The following NIT2 variants were observed in gnomAD, a reference collection of about 807,000 sequenced individuals.
NIT2 encodes the protein omega-amidase NIT2.
NIT2 carries 46 observed loss-of-function variants against 42.7 expected under a neutral mutation model. The ratio of observed to expected loss-of-function variants is 1.08; its 90% CI spans 0.85 to 1.38. The LOEUF (loss-of-function observed/expected upper bound fraction) is 1.38, where lower values mean the gene tolerates loss of function less well. Ranked by LOEUF, NIT2 falls within the 40% of genes most tolerant of loss-of-function variation. The pLI, the probability that NIT2 is intolerant of heterozygous loss-of-function variation, is 0.00. For missense variants in NIT2, 309 were observed against 342.5 expected (o/e 0.90, Z 0.77); for synonymous variants, 123 against 121.9 (o/e 1.01, Z -0.06).
intron 6 of NIT2, among the ~76,000 whole-genome samples, chr3:100,347,088 T>G (rs950126342): frequency 6.6e-6 from 1 of 152,002 alleles, no homozygotes; most frequent in Non-Finnish European, 1.5e-5. Context: ...TGTTTTTTTT[T>G]GTTTGTTTGT....
At position 100,336,884 on chromosome 3, in the gene NIT2, G is replaced by A. The variant is rs536977226; in HGVS notation, c.7+2086G>A. ...TCAGCACAGACCCTTTACGGGTGTCGGGCTGGGGGACGGTCAGGTCTTTCC... is the reference window on the plus strand; with the variant it reads ...TCAGCACAGACCCTTTACGGGTGTCAGGCTGGGGGACGGTCAGGTCTTTCC... On this transcript the variant is annotated intron_variant, in intron 1 of 9. Coordinates refer to ENST00000394140, the MANE Select transcript of NIT2 (RefSeq NM_020202.5). 7.9e-5 allele frequency among the ~76,000 whole-genome samples: 12 copies of A among 152,268 alleles called. No homozygotes were observed. In the South Asian group the frequency reaches 1.7e-3, roughly 21 times the overall value.
Position 100,341,071 on chromosome 3 carries a change from A to G in NIT2, c.248-2A>G, listed in dbSNP as rs763693486. ...ATGGTATGTTTCTTCTCTCAATGAA[A>G]GGCTCTATCCCTGAAGAGGATGCTG... On this transcript the variant is annotated splice_acceptor_variant, in intron 3 of 9. Coordinates refer to ENST00000394140, the MANE Select transcript of NIT2 (RefSeq NM_020202.5). LOFTEE classifies it high-confidence loss of function. 2 of 1,605,018 alleles carry G rather than the reference A, an allele frequency of 1.2e-6. No individual in the cohort carries two copies. Among genetic ancestry groups the G allele is most frequent in the Non-Finnish European group, 1.7e-6 (2 of 1,171,836 alleles).
rs929237369 is a variant in NIT2 at position 100,359,214 on chromosome 3, G to C, written c.*3946G>C. ...TTGTTCAATGATTTACTTCACAGCT[G>C]ATTCATAATCAAATGAACAAGAATC... On this transcript the variant is annotated 3_prime_UTR_variant, in exon 10 of 10. Coordinates refer to ENST00000394140, the MANE Select transcript of NIT2 (RefSeq NM_020202.5). 2 of 152,214 alleles carry C rather than the reference G, an allele frequency of 1.3e-5. No homozygotes were observed. The highest frequency in any genetic ancestry group is 4.8e-5 in the African/African-American group (2 of 41,440). The allele number at this position is 152,214 out of a possible 1,614,324, so 9.4% of individuals were successfully genotyped here.
At chr3:100,354,037 A>T (rs1217080497) in intron 8 of NIT2, among the ~76,000 whole-genome samples, 1 of 152,066 alleles carries the variant, frequency 6.6e-6, no homozygotes, top group East Asian at 1.9e-4. Flanking sequence ...TGGCCTCCCA[A>T]AGTGCTGGGG....
In NIT2 at chr3:100,357,643, T is replaced by C. The variant is rs919529815; in HGVS notation, c.*2375T>C. ...TGCTAAACTTTTTACATTTCTTTTT[T>C]TTTTTTTTTTTTTTTTGAGACAGAG... On this transcript the variant is annotated 3_prime_UTR_variant, in exon 10 of 10. Transcript: ENST00000394140. 3.5e-5 allele frequency: 5 copies of C among 143,584 alleles called. No individual in the cohort carries two copies. Among genetic ancestry groups the C allele is most frequent in the South Asian group, 2.2e-4 (1 of 4,588 alleles). The allele number at this position is 143,584 out of a possible 1,614,324, so 8.9% of individuals were successfully genotyped here.
intron 1 of NIT2, among the ~76,000 whole-genome samples, chr3:100,336,719 T>TC (rs1445553308): frequency 2.0e-5 from 3 of 152,224 alleles, no homozygotes; most frequent in Non-Finnish European, 2.9e-5. Context: ...AAGGCGGTTT[T>TC]CCCTATCTTA....
At chr3:100,354,962 G>C in intron 9 of NIT2, 135 bp downstream of exon 9, 2 of 850,782 alleles carry the variant, frequency 2.4e-6, no homozygotes, top group Non-Finnish European at 3.7e-6. Context: ...GGATATTCTA[G>C]GGTCTGGTTC....
chr3:100,348,350 C>CTTA (rs1706238887), intron 6 of NIT2, among the ~76,000 whole-genome samples: 1 of 152,186 alleles, frequency 6.6e-6, no homozygotes, highest in African/African-American at 2.4e-5. Context: ...TGTTAATGAG[C>CTTA]TTATAATGAG....
chr3:100,346,637 T>C (rs1416813214), intron 6 of NIT2, among the ~76,000 whole-genome samples: 1 of 152,154 alleles, frequency 6.6e-6, no homozygotes, highest in Non-Finnish European at 1.5e-5. Flanking sequence ...CGAGGAGAAA[T>C]GTGCCAGTAT....
At chr3:100,354,924 CT>C in intron 9 of NIT2, 97 bp downstream of exon 9, 1 of 990,870 alleles carries the variant, frequency 1.0e-6, no homozygotes, top group Non-Finnish European at 1.6e-6. Context: ...GGAGGGGTTC[CT>C]TTATGCCCCT....
At chr3:100,349,084 A>T in intron 7 of NIT2, 22 of 386,740 alleles carry the variant, frequency 5.7e-5, no homozygotes, top group South Asian at 4.1e-4. Context: ...CACAATACCA[A>T]CCTCATGGAT....
intron 1 of NIT2, 81 bp downstream of exon 1, chr3:100,334,879 G>T: frequency 1.7e-6 from 2 of 1,200,990 alleles, no homozygotes; most frequent in Non-Finnish European, 1.0e-6. Context: ...TGGCTCGGCC[G>T]GCTCAGCCCC....
rs1000733108 is a variant in NIT2, at chr3:100,360,956, C to T, written c.*5688C>T. On this transcript the variant is annotated 3_prime_UTR_variant, in exon 10 of 10. Coordinates refer to ENST00000394140, the MANE Select transcript of NIT2 (RefSeq NM_020202.5). The stretch of plus-strand genomic sequence containing the variant: ...ACCTCATTAGATTTGGGCTGTGACG[C>T]AAACCCACTGCATGTGCAGTATCCA... 3 of 152,310 alleles carry T rather than the reference C, an allele frequency of 2.0e-5. No homozygotes were observed. Among genetic ancestry groups the T allele is most frequent in the Non-Finnish European group, 2.9e-5 (2 of 68,068 alleles). 9.4% of individuals were successfully genotyped at this position (152,310 alleles called of 1,614,324 possible).
Position 100,352,502 on chromosome 3 carries a change from G to A in NIT2, c.683G>A (p.Trp228Ter), listed in dbSNP as rs1345945899. The change falls in exon 8 of 10, where the codon TGG becomes TAG. Residue 228 changes from tryptophan (W) to a stop codon, truncating the protein, a stop_gained and splice_region_variant. Transcript: ENST00000394140. LOFTEE classifies it high-confidence loss of function. ...AWGHSTVVNP[W>*]GEVLAKAGTE... is the part of the protein sequence containing the mutation. ...GGACACAGCACCGTGGTGAACCCTT[G>A]GTGAGTAAGGCTAAGTGAGAATAGG... The A allele has an allele frequency of 1.9e-6, 3 of 1,611,260 alleles. No homozygotes were observed. The highest frequency in any genetic ancestry group is 1.1e-5 in the South Asian group (1 of 91,010).
intron 4 of NIT2, among the ~76,000 whole-genome samples, chr3:100,343,979 T>A (rs1706183386): frequency 6.6e-6 from 1 of 152,210 alleles, no homozygotes; most frequent in African/African-American, 2.4e-5. Flanking sequence ...ACCAAACTCT[T>A]ATCTTCTTTG....
intron 8 of NIT2, 51 bp from the exon 9 acceptor site, chr3:100,354,721 A>G (rs1276817295): frequency 1.4e-6 from 2 of 1,462,406 alleles, no homozygotes; most frequent in Non-Finnish European, 9.4e-7. Flanking sequence ...GAGACCTTGA[A>G]TATCACCAAA....
chr3:100,345,836 T>A (rs1448148289), intron 5 of NIT2, 158 bp downstream of exon 5: 3 of 628,118 alleles, frequency 4.8e-6, no homozygotes, highest in Non-Finnish European at 8.4e-6. Flanking sequence ...AGTTCGGGCT[T>A]ATTTGAGAAC....
At chr3:100,348,747 C>A in intron 6 of NIT2, 56 bp from the exon 7 acceptor site, 1 of 1,378,168 alleles carries the variant, frequency 7.3e-7, no homozygotes, top group Non-Finnish European at 1.0e-6. Flanking sequence ...GTGGGGAGGA[C>A]TGGTTTTGTT....
intron 1 of NIT2, 145 bp downstream of exon 1, chr3:100,334,943 G>C: frequency 1.3e-6 from 1 of 795,848 alleles, no homozygotes; most frequent in Non-Finnish European, 1.7e-6. Flanking sequence ...CGTCCGCGTG[G>C]GTCCGGGATC....
Sources: gnomAD v4.1 joint callset for allele counts (sites outside exome capture counted in the v4.1 genomes callset) on GRCh38, gnomAD v4.1.1 for gene constraint, MANE v1.5 for transcripts, NCBI Gene and HGNC (gene_info 2026-07-23, HGNC 2026-07-21) for gene names.